TAAR1: variants seen among roughly 807,000 people sequenced by gnomAD.
The protein encoded by TAAR1 is trace amine-associated receptor 1.
Under a neutral mutation model 1.2 loss-of-function variants are expected in TAAR1, and 1 was observed. The ratio of observed to expected loss-of-function variants is 0.81; its 90% CI spans 0.29 to 3.86. The LOEUF (loss-of-function observed/expected upper bound fraction) is 3.86. TAAR1 is among the 30% of genes most tolerant of loss of function. TAAR1 has a pLI of 0.18. For missense variants in TAAR1, 445 were observed against 405.6 expected, an observed-to-expected ratio of 1.10 and a Z score of -0.83; for synonymous variants, 153 against 132.2, an observed-to-expected ratio of 1.16 and a Z score of -1.08.
At chr6:132,650,842 A>C (rs981616090) in intron 1 of TAAR1, among the ~76,000 whole-genome samples, 18 of 151,940 alleles carry the variant, frequency 1.2e-4, no homozygotes, top group Admixed American at 1.1e-3. Flanking sequence ...AAATACCTTC[A>C]CTCTCAAATA....
intron 1 of TAAR1, among the ~76,000 whole-genome samples, chr6:132,654,077 C>A (rs1289456607): frequency 1.3e-5 from 2 of 152,324 alleles, no homozygotes; most frequent in South Asian, 4.1e-4. Flanking sequence ...TCTCTCTACA[C>A]CTGGGATTGG....
At position 132,645,644 on chromosome 6, in the gene TAAR1, G is replaced by T. The variant is rs1275786770; in HGVS notation, c.360C>A (p.Asp120Glu). ...GTGGATCACACACAGCATAGTAGCG[G>T]TCAATGGAGATGAAAGACAAATGGA... is the stretch of plus-strand genomic sequence containing the variant. The part of the protein sequence containing the change: ...SIFHLSFISI[D>E]RYYAVCDPLR... The change falls in exon 2 of 2, where the codon GAC becomes GAA. Residue 120 changes from aspartate to glutamate, a missense_variant. Transcript: ENST00000275216. 1 of 1,613,582 alleles carries T rather than the reference G, an allele frequency of 6.2e-7. No homozygotes were observed. The highest frequency in any genetic ancestry group is 2.2e-5 in the East Asian group (1 of 44,830).
In TAAR1 at chr6:132,645,020, TG is replaced by T; in HGVS notation, c.983del (p.Ser328TyrfsTer10). 1 of 1,582,408 alleles carries T rather than the reference TG, an allele frequency of 6.3e-7. No individual in the cohort carries two copies. Among genetic ancestry groups the T allele is most frequent in the Non-Finnish European group, 8.5e-7 (1 of 1,170,966 alleles). Reference sequence around the variant, plus strand: ...ATTCCAAAAATAATTTACACCTGGATGAATCTTTTTGGAAAATTTTACCAAA... The same window carrying T: ...ATTCCAAAAATAATTTACACCTGGATAATCTTTTTGGAAAATTTTACCAAA... ...MLFGKIFQKDSSRCKLFLELS... is the reference protein window; with the variant it reads ...MLFGKIFQKDXSRCKLFLELS... On this transcript the variant is annotated frameshift_variant, in exon 2 of 2. Coordinates refer to ENST00000275216, the MANE Select transcript of TAAR1 (RefSeq NM_138327.4). LOFTEE classifies it high-confidence loss of function.
chr6:132,645,564 C>A lies in TAAR1; in HGVS notation c.440G>T (p.Ser147Ile). 6.2e-7 allele frequency: 1 copy of A among 1,613,690 alleles called. No homozygotes were observed. The change falls in exon 2 of 2, where the codon AGT (serine) becomes ATT (isoleucine). Residue 147 changes from serine to isoleucine, a missense_variant. Coordinates refer to ENST00000275216, the MANE Select transcript of TAAR1 (RefSeq NM_138327.4). ...TGCAAAAACAGCAGGGACACTCCAA[C>A]TAATGAAGATCATCACACAAATAAC... is the stretch of plus-strand genomic sequence containing the variant. ...ILVICVMIFI[S>I]WSVPAVFAFG...
chr6:132,647,051 A>C (rs1777679723), intron 1 of TAAR1, among the ~76,000 whole-genome samples: 1 of 152,122 alleles, frequency 6.6e-6, no homozygotes, highest in Non-Finnish European at 1.5e-5. Flanking sequence ...CTATGGTAAG[A>C]AGTGAAGTGG....
In TAAR1 at chr6:132,645,192, G is replaced by T. The variant is rs778143408; in HGVS notation, c.812C>A (p.Thr271Lys). ...LICWCPFFIC[T>K]VMDPFLHYII... is the part of the protein sequence containing the mutation. ...GTAGTGAAGAAAAGGGTCCATGACT[G>T]TACAGATAAAGAAAGGGCACCAGCA... Residue 271 changes from threonine to lysine, a missense_variant, in exon 2 of 2, where the codon ACA (threonine) becomes AAA (lysine). Transcript: ENST00000275216. The T allele has an allele frequency of 1.2e-6, 2 of 1,613,254 alleles. No homozygotes were observed. The highest frequency in any genetic ancestry group is 8.5e-7 in the Non-Finnish European group (1 of 1,179,640).
At position 132,648,801 on chromosome 6, in the gene TAAR1, A is replaced by G. The variant is rs529129845; in HGVS notation, c.-126-2672T>C. Among the ~76,000 whole-genome samples, 29 of 152,340 alleles carry G rather than the reference A, an allele frequency of 1.9e-4. No individual in the cohort carries two copies. The South Asian group carries it at 2.3e-3, about 12-fold the overall frequency. On this transcript the variant is annotated intron_variant, in intron 1 of 1. Transcript: ENST00000275216. ...TTTCAGCTTTAAGAATTTACAAGCTAGAGATAATTATTATCTGTATATACA... is the reference window on the plus strand; with the variant it reads ...TTTCAGCTTTAAGAATTTACAAGCTGGAGATAATTATTATCTGTATATACA...
chr6:132,647,652 G>GA (rs1343006917), intron 1 of TAAR1, among the ~76,000 whole-genome samples: 1 of 146,898 alleles, frequency 6.8e-6, no homozygotes, highest in South Asian at 2.2e-4. Context: ...AAGAAAGAAA[G>GA]AAAGAAAGAA....
intron 1 of TAAR1, among the ~76,000 whole-genome samples, chr6:132,647,211 G>T (rs904974483): frequency 6.6e-6 from 1 of 151,998 alleles, no homozygotes; most frequent in African/African-American, 2.4e-5. Flanking sequence ...TTATGAGTAG[G>T]CATCTTCTAC....
At chr6:132,650,530 A>T (rs1277222836) in intron 1 of TAAR1, among the ~76,000 whole-genome samples, 1 of 152,336 alleles carries the variant, frequency 6.6e-6, no homozygotes, top group East Asian at 1.9e-4. Flanking sequence ...CCTCTCTGAG[A>T]TGACTATTTC....
In TAAR1 at chr6:132,646,063, A is replaced by C; in HGVS notation, c.-60T>G. 2.0e-6 allele frequency: 3 copies of C among 1,500,412 alleles called. No homozygotes were observed. The highest frequency in any genetic ancestry group is 2.7e-6 in the Non-Finnish European group (3 of 1,117,660). 92.9% of individuals were successfully genotyped at this position (1,500,412 alleles called of 1,614,324 possible). A position where few individuals can be genotyped will look rare whatever the true frequency, so the allele number is the denominator to read the frequency against. ...TGTGTGTTGATTTATCTTTTTCCCAAATCCATAATCAGGTTACAGTTCCTT... is the reference window on the plus strand; with the variant it reads ...TGTGTGTTGATTTATCTTTTTCCCACATCCATAATCAGGTTACAGTTCCTT... On this transcript the variant is annotated 5_prime_UTR_variant, in exon 2 of 2. It adds an upstream start codon to the 5' untranslated region. Coordinates refer to ENST00000275216, the MANE Select transcript of TAAR1 (RefSeq NM_138327.4).
chr6:132,647,624 G>GAAAGAAAGA (rs1777694189), intron 1 of TAAR1, among the ~76,000 whole-genome samples: 1 of 26,970 alleles, frequency 3.7e-5, no homozygotes, highest in Admixed American at 3.8e-4. Flanking sequence ...AAAGAAAAAG[G>GAAAGAAAGA]AAAGAAAGAA....
In TAAR1 at chr6:132,644,960, G is replaced by T; in HGVS notation, c.*24C>A. The T allele has an allele frequency of 6.7e-7, 1 of 1,495,510 alleles. No individual in the cohort carries two copies. Among genetic ancestry groups the T allele is most frequent in the Non-Finnish European group, 8.9e-7 (1 of 1,124,390 alleles). The allele number at this position is 1,495,510 out of a possible 1,614,324, so 92.6% of individuals were successfully genotyped here. On this transcript the variant is annotated 3_prime_UTR_variant, in exon 2 of 2. Coordinates refer to ENST00000275216, the MANE Select transcript of TAAR1 (RefSeq NM_138327.4). ...CATAAATATGATCATCAACCGATTT[G>T]CAAAACAGTAAAATATAATAATTCT...
intron 1 of TAAR1, among the ~76,000 whole-genome samples, chr6:132,654,626 T>C (rs1777782956): frequency 6.6e-6 from 1 of 152,194 alleles, no homozygotes; most frequent in South Asian, 2.1e-4. Flanking sequence ...GACTTTACGA[T>C]ATATTCAAGG....
chr6:132,646,733 ACAT>A (rs1395504558), intron 1 of TAAR1, among the ~76,000 whole-genome samples: 1 of 152,164 alleles, frequency 6.6e-6, no homozygotes, highest in African/African-American at 2.4e-5. Context: ...TATAAGACCA[ACAT>A]CATTTTTTGT....
In TAAR1 at chr6:132,647,623, G is replaced by GAAAAAGAAA. The variant is rs201011015; in HGVS notation, c.-126-1495_-126-1494insTTTCTTTTT. Among the ~76,000 whole-genome samples the GAAAAAGAAA allele has an allele frequency of 7.0e-3, 721 of 103,112 alleles. 14 individuals carry two copies. The highest frequency in any genetic ancestry group is 0.025 in the East Asian group (94 of 3,758). 67.6% of individuals were successfully genotyped at this position (103,112 alleles called of 152,430 possible). ...GAAAGAAAAAAGAAAGAAAGAAAAAGGAAAGAAAGAAAGAAAGAAAGAAAG... is the reference window on the plus strand; with the variant it reads ...GAAAGAAAAAAGAAAGAAAGAAAAAGAAAAAGAAAGAAAGAAAGAAAGAAAGAAAGAAAG... On this transcript the variant is annotated intron_variant, in intron 1 of 1. Coordinates refer to ENST00000275216, the MANE Select transcript of TAAR1 (RefSeq NM_138327.4).
intron 1 of TAAR1, among the ~76,000 whole-genome samples, chr6:132,650,937 C>A (rs1395611146): frequency 6.6e-6 from 1 of 152,132 alleles, no homozygotes; most frequent in Non-Finnish European, 1.5e-5. Context: ...AGAAAGGAAC[C>A]CTTTGAGTCA....
At chr6:132,648,204 A>C (rs1212447719) in intron 1 of TAAR1, among the ~76,000 whole-genome samples, 1 of 152,126 alleles carries the variant, frequency 6.6e-6, no homozygotes, top group Non-Finnish European at 1.5e-5. Context: ...TTCCTCCACT[A>C]TTTCCCTCTC....
At chr6:132,647,576 G>T (rs1345901713) in intron 1 of TAAR1, among the ~76,000 whole-genome samples, 1 of 110,558 alleles carries the variant, frequency 9.0e-6, no homozygotes, top group Admixed American at 9.7e-5. Flanking sequence ...AAGGAAGGAA[G>T]GAGAAAGGAA....
Sources: gnomAD v4.1 joint callset for allele counts (sites outside exome capture counted in the v4.1 genomes callset) on GRCh38, gnomAD v4.1.1 for gene constraint, MANE v1.5 for transcripts, NCBI Gene and HGNC (gene_info 2026-07-23, HGNC 2026-07-21) for gene names.